Variants in RPGR observed in about 807,000 individuals in gnomAD.
RPGR encodes X-linked retinitis pigmentosa GTPase regulator.
In RPGR, 10 loss-of-function variants were observed where a neutral mutation model predicts 56.3. The ratio of observed to expected loss-of-function variants is 0.18; its 90% CI spans 0.11 to 0.30. The LOEUF (loss-of-function observed/expected upper bound fraction) is 0.30, where lower values mean the gene tolerates loss of function less well. RPGR is among the 10% of genes least tolerant of loss of function. The probability of loss-of-function intolerance (pLI) is 1.00; values close to 1 mark genes in which losing one functional copy is unlikely to be tolerated. For missense variants in RPGR, 538 were observed against 590.9 expected (o/e 0.91, Z 0.93); for synonymous variants, 197 against 212.9 (o/e 0.93, Z 0.65).
At chrX:38,274,918 AGTCT>A (rs2066905857) in intron 17 of RPGR, among the ~76,000 whole-genome samples, 1 of 112,562 alleles carries the variant, frequency 8.9e-6, no homozygotes, top group South Asian at 3.6e-4. Flanking sequence ...AGAACAGATA[AGTCT>A]GTATCACATA....
At chrX:38,277,547 TC>T (rs923579472) in intron 15 of RPGR, among the ~76,000 whole-genome samples, 2 of 110,970 alleles carry the variant, frequency 1.8e-5, no homozygotes, top group African/African-American at 3.3e-5. Context: ...CTCATTAGAT[TC>T]CCCCCCATAC....
At chrX:38,310,106 A>G (rs1018260355) in intron 7 of RPGR, among the ~76,000 whole-genome samples, 2 of 110,557 alleles carry the variant, frequency 1.8e-5, no homozygotes, top group Middle Eastern at 4.6e-3. Context: ...CAGCCTCCTG[A>G]ATACCTGAGA....
chrX:38,277,721 C>A (rs1051638459), intron 15 of RPGR, among the ~76,000 whole-genome samples: 5 of 111,959 alleles, frequency 4.5e-5, no homozygotes, highest in Non-Finnish European at 9.4e-5. Context: ...CAGACCATAT[C>A]CCCTTCAACA....
At chrX:38,302,425 G>A (rs1051126215) in intron 8 of RPGR, among the ~76,000 whole-genome samples, 3 of 111,450 alleles carry the variant, frequency 2.7e-5, no homozygotes, top group African/African-American at 9.8e-5. Context: ...CGTGGCTCGG[G>A]CAAGAAGCTG....
At chrX:38,321,659 C>CA (rs35504232) in intron 3 of RPGR, among the ~76,000 whole-genome samples, 18,109 of 92,389 alleles carry the variant, frequency 0.2, 1,727 homozygotes, top group East Asian at 0.61. Context: ...GACCCTGTCT[C>CA]AAAAAAAAAA....
chrX:38,288,194 TTTTC>T (rs1448289002), intron 13 of RPGR, among the ~76,000 whole-genome samples, 153 bp from the exon 14 acceptor site: 1 of 112,063 alleles, frequency 8.9e-6, no homozygotes, highest in Admixed American at 9.4e-5. Flanking sequence ...TAAAGTTTTG[TTTTC>T]TTTAAGGATC....
chrX:38,291,005 T>C lies in RPGR; in HGVS notation c.1526A>G (p.Asn509Ser), dbSNP rs749005478. 1 of 1,056,172 alleles carries C rather than the reference T, an allele frequency of 9.5e-7. No homozygotes were observed. Among genetic ancestry groups the C allele is most frequent in the South Asian group, 2.2e-5 (1 of 45,053 alleles). The allele number at this position is 1,056,172 out of a possible 1,213,427, so 87.0% of individuals were successfully genotyped here. ...TAATTTTAATGACTTTTCATTGGAA[T>C]TCAGGCTCATGATGTGTGTCTGAAA... The change falls in exon 13 of 19, where the codon AAT (asparagine) becomes AGT (serine). Residue 509 changes from asparagine to serine, a missense_variant. By Grantham distance (46) the Asn-to-Ser change is conservative (BLOSUM62 1). This residue lies in a region of RPGR where 357 missense variants were observed against 325.8 expected (regional missense o/e 1.10). Coordinates refer to ENST00000642395, the MANE Select transcript of RPGR (RefSeq NM_000328.3).
At chrX:38,324,968 G>A (rs1310535513) in intron 1 of RPGR, among the ~76,000 whole-genome samples, 4 of 106,575 alleles carry the variant, frequency 3.8e-5, no homozygotes, top group East Asian at 6.0e-4. Context: ...TCAGGAGTTC[G>A]AGACCAGCCT....
In RPGR at chrX:38,304,616, CAG is replaced by C. The variant is rs766636193; in HGVS notation, c.934+17_934+18del. The C allele has an allele frequency of 1.7e-6, 2 of 1,146,056 alleles. No individual in the cohort carries two copies. The highest frequency in any genetic ancestry group is 2.4e-6 in the Non-Finnish European group (2 of 837,892). 94.4% of individuals were successfully genotyped at this position (1,146,056 alleles called of 1,213,427 possible). ...TATACCCAGTTCTATAAATATATAA[CAG>C]AAATTCTAATCCATACCTGTTATCA... On this transcript the variant is annotated intron_variant, in intron 8 of 18. Coordinates refer to ENST00000642395, the MANE Select transcript of RPGR (RefSeq NM_000328.3).
At chrX:38,285,821 C>T in intron 15 of RPGR, 1 of 1,210,084 alleles carries the variant, frequency 8.3e-7, no homozygotes, top group Non-Finnish European at 1.1e-6. Context: ...TCCTCCTCTT[C>T]TCTGTTCCTC....
chrX:38,291,122 TA>T (rs917559890), intron 12 of RPGR, 98 bp from the exon 13 acceptor site: 24 of 169,874 alleles, frequency 1.4e-4, no homozygotes, highest in Middle Eastern at 2.1e-3. Flanking sequence ...CAATTATATA[TA>T]TTTTTTTATA....
chrX:38,278,120 G>C (rs752118812), intron 15 of RPGR, among the ~76,000 whole-genome samples: 40 of 112,344 alleles, frequency 3.6e-4, no homozygotes, highest in Non-Finnish European at 5.1e-4. Flanking sequence ...TGGGAGAAAG[G>C]AACATGGTAC....
intron 4 of RPGR, among the ~76,000 whole-genome samples, chrX:38,319,237 G>A (rs760481752): frequency 1.8e-5 from 2 of 112,269 alleles, no homozygotes; most frequent in African/African-American, 6.5e-5. Context: ...TGCATGGAAC[G>A]TATTTATTTC....
In RPGR at chrX:38,291,498, TG is replaced by T; in HGVS notation, c.1415-15del. ...CTAGCAAATAATCTGAATGATTAAA[TG>T]GGAAAAAGGAAATCCAGATTTCAAC... is the stretch of plus-strand genomic sequence containing the variant. On this transcript the variant is annotated splice_polypyrimidine_tract_variant and intron_variant, in intron 11 of 18. Transcript: ENST00000642395. 1.0e-6 allele frequency: 1 copy of T among 979,359 alleles called. No individual in the cohort carries two copies. Among genetic ancestry groups the T allele is most frequent in the Non-Finnish European group, 1.5e-6 (1 of 687,848 alleles). The allele number at this position is 979,359 out of a possible 1,213,427, so 80.7% of individuals were successfully genotyped here.
At chrX:38,297,020 G>T (rs781020976) in intron 11 of RPGR, among the ~76,000 whole-genome samples, 6 of 111,106 alleles carry the variant, frequency 5.4e-5, no homozygotes, top group Admixed American at 4.8e-4. Flanking sequence ...GGTTTAAAGG[G>T]GATAAAGTTA....
At chrX:38,281,188 T>C (rs774660072) in intron 15 of RPGR, among the ~76,000 whole-genome samples, 61 of 112,666 alleles carry the variant, frequency 5.4e-4, no homozygotes, top group Non-Finnish European at 1.3e-4. Flanking sequence ...CTCTACTCTT[T>C]TTCCTTAGAA....
chrX:38,322,712 G>T (rs1405981658), intron 3 of RPGR, 141 bp downstream of exon 3: 3 of 489,047 alleles, frequency 6.1e-6, no homozygotes, highest in Admixed American at 3.8e-5. Flanking sequence ...TCATATAAAA[G>T]ATAAGTTAAA....
At chrX:38,311,692 G>T (rs911789177) in intron 6 of RPGR, among the ~76,000 whole-genome samples, 4 of 111,575 alleles carry the variant, frequency 3.6e-5, no homozygotes, top group Non-Finnish European at 7.5e-5. Flanking sequence ...TGTCAGGGCT[G>T]CTTGCACAAA....
chrX:38,289,294 T>C (rs189971859), intron 13 of RPGR, among the ~76,000 whole-genome samples: 6 of 112,189 alleles, frequency 5.3e-5, no homozygotes, highest in African/African-American at 1.9e-4. Flanking sequence ...CTTCCTTGCA[T>C]TGATTATATT....
Sources: allele counts gnomAD v4.1 joint callset (sites outside exome capture counted in the v4.1 genomes callset), GRCh38; gene constraint gnomAD v4.1.1; regional missense constraint gnomAD v4.1.1; transcripts MANE v1.5; gene names NCBI Gene and HGNC (gene_info 2026-07-23, HGNC 2026-07-21).